Variants in CSMD1 observed in about 807,000 individuals in gnomAD.
CSMD1 encodes CUB and Sushi multiple domains 1.
CSMD1 carries 213 observed loss-of-function variants against 417.5 expected under a neutral mutation model. That is an observed-to-expected ratio of 0.51 (90% CI 0.46 to 0.57). CSMD1 has a LOEUF of 0.57. Among genes scored for constraint, CSMD1 ranks in the 20% least tolerant of loss-of-function variants. The pLI, the probability that CSMD1 is intolerant of heterozygous loss-of-function variation, is 0.00. For synonymous variants in CSMD1, 2,862 were observed against 1,736.8 expected (o/e 1.65, Z -16.11); for missense variants, 6,923 against 4,529.7 (o/e 1.53, Z -15.17).
intron 10 of CSMD1, among the ~76,000 whole-genome samples, chr8:3,565,742 C>A (rs2116890041): frequency 6.6e-6 from 1 of 152,232 alleles, no homozygotes; most frequent in East Asian, 1.9e-4. Flanking sequence ...AGCAGTTGTT[C>A]ATTAAGAAAC....
chr8:3,943,748 T>A (rs1413945492), intron 5 of CSMD1, among the ~76,000 whole-genome samples: 1 of 151,966 alleles, frequency 6.6e-6, no homozygotes, highest in African/African-American at 2.4e-5. Context: ...CTGAATCTAA[T>A]CACAAAGAAA....
intron 5 of CSMD1, among the ~76,000 whole-genome samples, chr8:3,766,974 G>C (rs1798306672): frequency 6.6e-6 from 1 of 152,106 alleles, no homozygotes; most frequent in African/African-American, 2.4e-5. Context: ...CAATCATATG[G>C]GTCCCCAGGC....
chr8:3,974,109 T>G (rs79398877), intron 5 of CSMD1, among the ~76,000 whole-genome samples: 1 of 152,152 alleles, frequency 6.6e-6, no homozygotes, highest in African/African-American at 2.4e-5. Context: ...TAATTACTTT[T>G]TGTACCCACA....
intron 36 of CSMD1, among the ~76,000 whole-genome samples, chr8:3,182,719 A>G: frequency 9.0e-6 from 1 of 110,878 alleles, no homozygotes; most frequent in Non-Finnish European, 1.9e-5. Context: ...TTAGTAGAGA[A>G]GGACTCTGGC....
chr8:3,408,403 G>A (rs1170204521), intron 13 of CSMD1, among the ~76,000 whole-genome samples, 178 bp from the exon 14 acceptor site: 1 of 152,110 alleles, frequency 6.6e-6, no homozygotes, highest in East Asian at 1.9e-4. Context: ...TAATTTGTAA[G>A]TCGAATATTT....
chr8:4,040,604 T>A (rs895653758), intron 3 of CSMD1, among the ~76,000 whole-genome samples: 2 of 152,118 alleles, frequency 1.3e-5, no homozygotes, highest in African/African-American at 4.8e-5. Context: ...CATATATGGA[T>A]TGGGGAGACT....
At position 3,796,954 on chromosome 8, in the gene CSMD1, A is replaced by T. The variant is rs964953967; in HGVS notation, c.819-42912T>A. 5.3e-5 allele frequency among the ~76,000 whole-genome samples: 8 copies of T among 151,930 alleles called. No individual in the cohort carries two copies. The East Asian group carries it at 1.4e-3, about 26-fold the overall frequency. On this transcript the variant is annotated intron_variant, in intron 5 of 69. Transcript: ENST00000635120. ...TTTGGTTAATATGTAATGAAGATGA[A>T]GTATAATTAAATAATTCCCCACAGC... is the stretch of plus-strand genomic sequence containing the variant.
intron 3 of CSMD1, among the ~76,000 whole-genome samples, chr8:4,305,467 C>G (rs571277577): frequency 6.6e-6 from 1 of 152,306 alleles, no homozygotes; most frequent in East Asian, 1.9e-4. Flanking sequence ...GCTGGAATCA[C>G]TGTAAAATTA....
At chr8:4,492,118 A>G (rs1801734733) in intron 2 of CSMD1, among the ~76,000 whole-genome samples, 1 of 152,180 alleles carries the variant, frequency 6.6e-6, no homozygotes, top group Non-Finnish European at 1.5e-5. Context: ...CTTTTTAGAT[A>G]CAGGGTCTTA....
chr8:4,647,443 T>TGTGCCACGGAGGTCTGTTAGGTAGGTAC (rs1563366575), intron 1 of CSMD1, among the ~76,000 whole-genome samples: 1 of 114,022 alleles, frequency 8.8e-6, no homozygotes, highest in Non-Finnish European at 1.8e-5. Flanking sequence ...TACGTAGGTA[T>TGTGCCACGGAGGTCTGTTAGGTAGGTAC]GCGTGTGCCA....
intron 2 of CSMD1, among the ~76,000 whole-genome samples, chr8:4,603,658 G>T (rs1478208525): frequency 6.6e-6 from 1 of 152,062 alleles, no homozygotes; most frequent in Non-Finnish European, 1.5e-5. Context: ...ACCTTAAAAT[G>T]ACGTGGGTTT....
At chr8:3,112,407 A>T (rs1816573466) in intron 42 of CSMD1, among the ~76,000 whole-genome samples, 1 of 152,182 alleles carries the variant, frequency 6.6e-6, no homozygotes, top group South Asian at 2.1e-4. Flanking sequence ...TGGGAAAACA[A>T]AACAAAAAGC....
chr8:3,396,033 G>A (rs2166710), intron 17 of CSMD1, among the ~76,000 whole-genome samples, 161 bp downstream of exon 17: 80,122 of 152,048 alleles, frequency 0.53, 21,358 homozygotes, highest in Middle Eastern at 0.62. Flanking sequence ...GCTCTCTTAT[G>A]AATAACAGAA....
chr8:4,375,178 G>C (rs1344273751), intron 3 of CSMD1, among the ~76,000 whole-genome samples: 1 of 152,134 alleles, frequency 6.6e-6, no homozygotes, highest in African/African-American at 2.4e-5. Flanking sequence ...ACGAAAGCAA[G>C]AAATATGGAG....
chr8:4,302,680 T>G (rs1798041867), intron 3 of CSMD1, among the ~76,000 whole-genome samples: 1 of 152,210 alleles, frequency 6.6e-6, no homozygotes, highest in Admixed American at 6.5e-5. Context: ...AGCATTCATC[T>G]CTACTAAACT....
At chr8:3,493,535 A>T in intron 11 of CSMD1, 88 bp downstream of exon 11, 1 of 1,142,428 alleles carries the variant, frequency 8.8e-7, no homozygotes, top group Non-Finnish European at 1.3e-6. Context: ...CTGAGGCCGA[A>T]TTACAAGCCT....
intron 5 of CSMD1, among the ~76,000 whole-genome samples, chr8:3,845,831 A>AT (rs1001569564): frequency 0.018 from 2,766 of 149,936 alleles, 82 homozygotes; most frequent in African/African-American, 0.061. Context: ...CTTCTATTTA[A>AT]TTTTTTTTTT....
intron 3 of CSMD1, among the ~76,000 whole-genome samples, chr8:4,319,401 C>A (rs191409786): frequency 1.3e-5 from 2 of 152,056 alleles, no homozygotes; most frequent in Admixed American, 1.3e-4. Context: ...GGCCCATAAT[C>A]GATACGTGAG....
At chr8:2,945,660 G>C (rs1802177955) in intron 68 of CSMD1, among the ~76,000 whole-genome samples, 1 of 152,058 alleles carries the variant, frequency 6.6e-6, no homozygotes, top group East Asian at 1.9e-4. Flanking sequence ...ATAACACATG[G>C]ACAGCTCTGT....
Sources: gnomAD v4.1 joint callset for allele counts (sites outside exome capture counted in the v4.1 genomes callset) on GRCh38, gnomAD v4.1.1 for gene constraint, MANE v1.5 for transcripts, NCBI Gene and HGNC (gene_info 2026-07-23, HGNC 2026-07-21) for gene names.